EDRF1: variants seen among roughly 807,000 people sequenced by gnomAD.
EDRF1 encodes erythroid differentiation-related factor 1.
In EDRF1, 69 loss-of-function variants were observed where a neutral mutation model predicts 148.7. The observed-to-expected ratio is 0.46, with a 90% CI of 0.38 to 0.57. The LOEUF is 0.57. Among genes scored for constraint, EDRF1 ranks in the 20% least tolerant of loss-of-function variants. The pLI is 0.00. For synonymous variants in EDRF1, 515 were observed against 532.8 expected, an observed-to-expected ratio of 0.97 and a Z score of 0.46; for missense variants, 1,118 against 1,478.7, an observed-to-expected ratio of 0.76 and a Z score of 4.00.
rs1848083751 is a variant in EDRF1 at position 125,723,095 on chromosome 10, T to G, written c.345T>G (p.Asp115Glu). The G allele has an allele frequency of 6.2e-7, 1 of 1,613,746 alleles. No homozygotes were observed. The highest frequency in any genetic ancestry group is 1.3e-5 in the African/African-American group (1 of 74,922). Residue 115 changes from aspartate (D) to glutamate (E), a missense_variant, in exon 3 of 25, where the codon GAT becomes GAG. Physicochemically the swap from Asp to Glu is conservative, Grantham distance 45. Coordinates refer to ENST00000356792, the MANE Select transcript of EDRF1 (RefSeq NM_001202438.2). ...SSFGMAYDFI[D>E]SVGNDVDVVS... ...TTGGCATGGCATATGACTTTATTGA[T>G]TCAGTGGGAAATGATGTGGATGTTG...
chr10:125,745,444 A>C (rs761371199), intron 18 of EDRF1: 112 of 502,180 alleles, frequency 2.2e-4, no homozygotes, highest in East Asian at 8.3e-4. Flanking sequence ...ATTTAATCTT[A>C]ATTACGTCTT....
At chr10:125,753,001 G>C in intron 23 of EDRF1, 87 bp downstream of exon 23, 1 of 912,224 alleles carries the variant, frequency 1.1e-6, no homozygotes, top group South Asian at 1.3e-5. Context: ...GTGTATGTGT[G>C]TGGGTATATA....
chr10:125,761,257 A>G (rs1208458314), intron 24 of EDRF1: 5 of 402,382 alleles, frequency 1.2e-5, no homozygotes, highest in African/African-American at 2.1e-5. Flanking sequence ...ATCATATGAC[A>G]ACTGCATTGG....
At chr10:125,736,380 A>G (rs1276575331) in intron 13 of EDRF1, among the ~76,000 whole-genome samples, 1 of 152,084 alleles carries the variant, frequency 6.6e-6, no homozygotes, top group Non-Finnish European at 1.5e-5. Flanking sequence ...TGTATTGGAC[A>G]TGTCTCTGCC....
rs1849446558 is a variant in EDRF1, at chr10:125,747,924, T to C, written c.3035T>C (p.Val1012Ala). The change falls in exon 21 of 25, where the codon GTG (valine) becomes GCG (alanine). Residue 1012 changes from valine (V) to alanine (A), a missense_variant. Physicochemically the swap from Val to Ala is moderately conservative, Grantham distance 64. Transcript: ENST00000356792. ...KSLKYCDVDS[V>A]SARQPLCQYR... The stretch of plus-strand genomic sequence containing the variant: ...CTAAAATACTGCGATGTGGATTCAG[T>C]GTCTGCTCGACAGCCCCTTTGTCAG... The C allele has an allele frequency of 5.6e-6, 9 of 1,614,222 alleles. No individual in the cohort carries two copies. The highest frequency in any genetic ancestry group is 6.8e-6 in the Non-Finnish European group (8 of 1,180,038).
chr10:125,735,066 G>T (rs1848659849), intron 12 of EDRF1, among the ~76,000 whole-genome samples: 1 of 152,192 alleles, frequency 6.6e-6, no homozygotes, highest in South Asian at 2.1e-4. Flanking sequence ...TTATTTGGAT[G>T]TTAGAAATGG....
At chr10:125,736,701 G>T (rs1460910552) in intron 13 of EDRF1, among the ~76,000 whole-genome samples, 1 of 151,520 alleles carries the variant, frequency 6.6e-6, no homozygotes, top group South Asian at 2.1e-4. Flanking sequence ...GCCATGCTGG[G>T]TTTTTTTTCT....
At chr10:125,726,962 T>C (rs1308915309) in intron 6 of EDRF1, among the ~76,000 whole-genome samples, 1 of 152,246 alleles carries the variant, frequency 6.6e-6, no homozygotes, top group African/African-American at 2.4e-5. Flanking sequence ...GTCGGGAATC[T>C]GTAGACTTGC....
intron 9 of EDRF1, among the ~76,000 whole-genome samples, chr10:125,731,099 A>G (rs114299916): frequency 0.014 from 2,171 of 152,306 alleles, 63 homozygotes; most frequent in African/African-American, 0.049. Context: ...GTGAGCTATG[A>G]TCGTGCCACT....
chr10:125,743,618 C>A (rs181486862), intron 18 of EDRF1, among the ~76,000 whole-genome samples: 109 of 152,234 alleles, frequency 7.2e-4, no homozygotes, highest in Non-Finnish European at 1.2e-4. Context: ...GAACACAAAG[C>A]CTCAAAATGC....
At chr10:125,744,187 C>T (rs1214832801) in intron 18 of EDRF1, among the ~76,000 whole-genome samples, 1 of 150,122 alleles carries the variant, frequency 6.7e-6, no homozygotes, top group Non-Finnish European at 1.5e-5. Flanking sequence ...AGCTGAACAT[C>T]TGTGGGCCTT....
chr10:125,738,722 C>G (rs963744606), intron 15 of EDRF1, among the ~76,000 whole-genome samples: 4 of 152,182 alleles, frequency 2.6e-5, no homozygotes, highest in African/African-American at 7.2e-5. Context: ...CTCGCTGGAT[C>G]GTGTAGGAGC....
chr10:125,756,934 C>G (rs1488141149), intron 24 of EDRF1: 2 of 395,900 alleles, frequency 5.1e-6, no homozygotes, highest in Admixed American at 6.1e-5. Context: ...ACCTCAGCCT[C>G]TCAGAGTAGC....
At chr10:125,720,596 GGTC>G (rs1186842734) in intron 1 of EDRF1, among the ~76,000 whole-genome samples, 1 of 152,098 alleles carries the variant, frequency 6.6e-6, no homozygotes, top group Non-Finnish European at 1.5e-5. Flanking sequence ...GATCACCTGA[GGTC>G]GGGGAGTTCG....
chr10:125,731,469 A>G (rs1006191867), intron 9 of EDRF1, among the ~76,000 whole-genome samples: 4 of 152,244 alleles, frequency 2.6e-5, no homozygotes, highest in Non-Finnish European at 1.5e-5. Context: ...GATTGATAAT[A>G]AATCCAGCTA....
At chr10:125,727,892 A>G (rs1848329452) in intron 6 of EDRF1, among the ~76,000 whole-genome samples, 1 of 152,148 alleles carries the variant, frequency 6.6e-6, no homozygotes, top group Non-Finnish European at 1.5e-5. Context: ...AGAGGGCCCA[A>G]GTGTATTCCA....
At chr10:125,753,885 A>G (rs1317886144) in intron 24 of EDRF1, 40 bp downstream of exon 24, 4 of 1,606,360 alleles carry the variant, frequency 2.5e-6, no homozygotes, top group African/African-American at 1.3e-5. Context: ...CTTTCCTAGC[A>G]CCCTACCTAT....
At chr10:125,761,171 A>G in intron 24 of EDRF1, 1 of 373,040 alleles carries the variant, frequency 2.7e-6, no homozygotes, top group African/African-American at 2.1e-5. Context: ...TTCCTATAGA[A>G]TTAGAGTGAA....
intron 9 of EDRF1, among the ~76,000 whole-genome samples, chr10:125,731,135 A>G (rs1360347096): frequency 8.5e-5 from 13 of 152,224 alleles, no homozygotes; most frequent in Admixed American, 8.5e-4. Flanking sequence ...TGACAGAGCA[A>G]GACCCTGTCT....
Sources: gnomAD v4.1 joint callset for allele counts (sites outside exome capture counted in the v4.1 genomes callset) on GRCh38, gnomAD v4.1.1 for gene constraint, MANE v1.5 for transcripts, NCBI Gene and HGNC (gene_info 2026-07-23, HGNC 2026-07-21) for gene names.